Variants in ZNF704 observed in about 807,000 individuals in gnomAD.
ZNF704 encodes the protein zinc finger protein 704.
A neutral mutation model predicts 44.7 loss-of-function variants in ZNF704; 10 were observed. That is an observed-to-expected ratio of 0.22 (90% CI 0.14 to 0.38). The LOEUF (loss-of-function observed/expected upper bound fraction) is 0.38. Among genes scored for constraint, ZNF704 ranks in the 10% least tolerant of loss-of-function variants. The probability of loss-of-function intolerance (pLI) is 1.00; values close to 1 mark genes in which losing one functional copy is unlikely to be tolerated. For missense variants in ZNF704, 390 were observed against 545.5 expected, an observed-to-expected ratio of 0.71 and a Z score of 2.84; for synonymous variants, 211 against 207.6, an observed-to-expected ratio of 1.02 and a Z score of -0.14.
At chr8:80,675,348 T>G (rs181091416) in intron 4 of ZNF704, among the ~76,000 whole-genome samples, 44 of 152,292 alleles carry the variant, frequency 2.9e-4, no homozygotes, top group African/African-American at 1.0e-3. Context: ...TGAGATAAAG[T>G]GCAGAAGCAG....
rs75859792 is a variant in ZNF704, at chr8:80,703,633, C to T, written c.222-10526G>A. Among the ~76,000 whole-genome samples, 648 of 152,224 alleles carry T rather than the reference C, an allele frequency of 4.3e-3. 3 individuals are homozygous for T. Among genetic ancestry groups the T allele is most frequent in the African/African-American group, 0.015 (629 of 41,526 alleles). ...GGGACTACAGGCAAACGCCACCATGCCCGGCTAATTTTTTAAGTTTCTGTA... is the reference window on the plus strand; with the variant it reads ...GGGACTACAGGCAAACGCCACCATGTCCGGCTAATTTTTTAAGTTTCTGTA... On this transcript the variant is annotated intron_variant, in intron 2 of 8. Coordinates refer to ENST00000327835, the MANE Select transcript of ZNF704 (RefSeq NM_001033723.3).
At chr8:80,725,737 A>C (rs1806468354) in intron 2 of ZNF704, among the ~76,000 whole-genome samples, 1 of 152,162 alleles carries the variant, frequency 6.6e-6, no homozygotes, top group South Asian at 2.1e-4. Flanking sequence ...GACCTAGCTC[A>C]TGTCTCCCTG....
intron 1 of ZNF704, among the ~76,000 whole-genome samples, chr8:80,872,175 A>G (rs1246606976): frequency 6.6e-6 from 1 of 152,208 alleles, no homozygotes; most frequent in Non-Finnish European, 1.5e-5. Context: ...TTTCAAACCC[A>G]GCTATATCTT....
chr8:80,762,511 G>A (rs577537979), intron 2 of ZNF704, among the ~76,000 whole-genome samples: 3 of 152,234 alleles, frequency 2.0e-5, no homozygotes, highest in South Asian at 2.1e-4. Flanking sequence ...TCACTGTCAC[G>A]AGAACAGCAT....
intron 2 of ZNF704, among the ~76,000 whole-genome samples, chr8:80,771,439 T>C (rs1414127198): frequency 1.3e-5 from 2 of 152,140 alleles, no homozygotes; most frequent in Non-Finnish European, 2.9e-5. Flanking sequence ...TACAATTAAG[T>C]ATATATTTTT....
intron 5 of ZNF704, among the ~76,000 whole-genome samples, chr8:80,667,367 A>C (rs926490693): frequency 2.7e-4 from 41 of 152,214 alleles, no homozygotes; most frequent in Non-Finnish European, 8.8e-5. Context: ...GACAAAAGCA[A>C]AAGCAGACGC....
intron 1 of ZNF704, among the ~76,000 whole-genome samples, chr8:80,870,189 A>C (rs941759673): frequency 6.6e-6 from 1 of 152,166 alleles, no homozygotes; most frequent in African/African-American, 2.4e-5. Flanking sequence ...AGCAAAAAAA[A>C]ATTTGTAGTA....
chr8:80,837,059 C>CA (rs1401322577), intron 1 of ZNF704, among the ~76,000 whole-genome samples: 1 of 151,896 alleles, frequency 6.6e-6, no homozygotes, highest in African/African-American at 2.4e-5. Flanking sequence ...GGTGCAGATG[C>CA]ATGTTATATG....
At chr8:80,744,582 T>C (rs1471278116) in intron 2 of ZNF704, among the ~76,000 whole-genome samples, 1 of 152,226 alleles carries the variant, frequency 6.6e-6, no homozygotes. Context: ...CCTGCTAAGT[T>C]TGTCATAATC....
rs188468036 is a variant in ZNF704 at position 80,747,337 on chromosome 8, T to C, written c.222-54230A>G. ...TTCAAGCTAATTGAAAAGCCCTGTT[T>C]ATGGGACTTGAATATAGTTTATACC... On this transcript the variant is annotated intron_variant, in intron 2 of 8. Coordinates refer to ENST00000327835, the MANE Select transcript of ZNF704 (RefSeq NM_001033723.3). Among the ~76,000 whole-genome samples, 232 of 152,300 alleles carry C rather than the reference T, an allele frequency of 1.5e-3. 2 individuals are homozygous for C. The highest frequency in any genetic ancestry group is 5.3e-3 in the African/African-American group (220 of 41,562).
At chr8:80,860,046 T>G (rs990406654) in intron 1 of ZNF704, among the ~76,000 whole-genome samples, 5 of 152,178 alleles carry the variant, frequency 3.3e-5, no homozygotes, top group Admixed American at 3.3e-4. Flanking sequence ...CAAACAAGAT[T>G]GTAAGAACGA....
chr8:80,831,001 AC>A (rs1216680123), intron 1 of ZNF704, among the ~76,000 whole-genome samples: 1 of 151,666 alleles, frequency 6.6e-6, no homozygotes, highest in Non-Finnish European at 1.5e-5. Context: ...TGATCTGCCC[AC>A]CTCAGCCTCC....
chr8:80,757,829 G>A (rs1459187560), intron 2 of ZNF704, among the ~76,000 whole-genome samples: 1 of 152,208 alleles, frequency 6.6e-6, no homozygotes, highest in Non-Finnish European at 1.5e-5. Flanking sequence ...TTTGTAGCCT[G>A]GGAGCAACAG....
intron 7 of ZNF704, among the ~76,000 whole-genome samples, chr8:80,647,155 GAAGA>G (rs2131593106): frequency 6.6e-6 from 1 of 152,352 alleles, no homozygotes; most frequent in Non-Finnish European, 1.5e-5. Context: ...GTTCTAGTGA[GAAGA>G]CAGACAATAA....
chr8:80,718,795 C>T (rs1178090186), intron 2 of ZNF704, among the ~76,000 whole-genome samples: 1 of 152,158 alleles, frequency 6.6e-6, no homozygotes, highest in African/African-American at 2.4e-5. Flanking sequence ...CATTATTATG[C>T]CAACAGCTGA....
chr8:80,725,901 G>A (rs1401623434), intron 2 of ZNF704, among the ~76,000 whole-genome samples: 1 of 152,028 alleles, frequency 6.6e-6, no homozygotes, highest in Non-Finnish European at 1.5e-5. Context: ...CTTTTAAAAA[G>A]GAAATAGTGA....
At chr8:80,785,903 T>C (rs1305172601) in intron 2 of ZNF704, among the ~76,000 whole-genome samples, 1 of 152,168 alleles carries the variant, frequency 6.6e-6, no homozygotes, top group Non-Finnish European at 1.5e-5. Context: ...TCTTGGCTGA[T>C]GCAAGAAAAT....
At chr8:80,724,058 T>C (rs1048482009) in intron 2 of ZNF704, among the ~76,000 whole-genome samples, 24 of 152,190 alleles carry the variant, frequency 1.6e-4, no homozygotes, top group African/African-American at 5.1e-4. Flanking sequence ...TATACAAAAA[T>C]GGTGTTGTTT....
upstream of ZNF704, among the ~76,000 whole-genome samples, chr8:80,875,017 A>G (rs781469735): frequency 9.9e-5 from 15 of 152,152 alleles, no homozygotes; most frequent in Non-Finnish European, 2.9e-5. Flanking sequence ...TAATGGCTGA[A>G]TTCCAAGAAG....
Sources: gnomAD v4.1 joint callset for allele counts (sites outside exome capture counted in the v4.1 genomes callset) on GRCh38, gnomAD v4.1.1 for gene constraint, MANE v1.5 for transcripts, NCBI Gene and HGNC (gene_info 2026-07-23, HGNC 2026-07-21) for gene names.